Variants in FRMD4B observed in about 807,000 individuals in gnomAD.
FRMD4B encodes FERM domain-containing protein 4B.
Under a neutral mutation model 141.5 loss-of-function variants are expected in FRMD4B, and 74 were observed. The ratio of observed to expected loss-of-function variants is 0.52; its 90% CI spans 0.43 to 0.63. FRMD4B has a LOEUF of 0.63. Among genes scored for constraint, FRMD4B ranks in the 30% least tolerant of loss-of-function variants. The pLI is 0.00. For missense variants in FRMD4B, 1,366 were observed against 1,253.4 expected, an observed-to-expected ratio of 1.09 and a Z score of -1.36; for synonymous variants, 506 against 467.9, an observed-to-expected ratio of 1.08 and a Z score of -1.05.
intron 2 of FRMD4B, among the ~76,000 whole-genome samples, chr3:69,412,042 C>T (rs1375459035): frequency 6.6e-6 from 1 of 152,152 alleles, no homozygotes; most frequent in Non-Finnish European, 1.5e-5. Flanking sequence ...CACTATGTGC[C>T]AAGCACTACT....
chr3:69,396,154 G>C (rs189280743), intron 2 of FRMD4B, among the ~76,000 whole-genome samples: 1 of 152,214 alleles, frequency 6.6e-6, no homozygotes, highest in Non-Finnish European at 1.5e-5. Flanking sequence ...ATTGATCTAA[G>C]GGAAGGCACA....
At chr3:69,282,085 G>A (rs2093647437) in intron 5 of FRMD4B, among the ~76,000 whole-genome samples, 1 of 152,128 alleles carries the variant, frequency 6.6e-6, no homozygotes, top group Non-Finnish European at 1.5e-5. Flanking sequence ...CCGTATTTAT[G>A]TAGCTGTGCA....
intron 1 of FRMD4B, among the ~76,000 whole-genome samples, chr3:69,485,247 T>C (rs2107001752): frequency 6.6e-6 from 1 of 151,972 alleles, no homozygotes; most frequent in East Asian, 1.9e-4. Flanking sequence ...GAGATTGGAG[T>C]GGGAGCCAGG....
At chr3:69,387,356 A>G (rs1367546355), upstream of FRMD4B, among the ~76,000 whole-genome samples, 2 of 152,114 alleles carry the variant, frequency 1.3e-5, no homozygotes, top group East Asian at 1.9e-4. Context: ...GGCTCAAGCA[A>G]TCTTCCAGCC....
chr3:69,455,846 CAG>C (rs1277260425), intron 1 of FRMD4B, among the ~76,000 whole-genome samples: 2 of 152,166 alleles, frequency 1.3e-5, no homozygotes, highest in African/African-American at 4.8e-5. Context: ...TCAAAGAAAA[CAG>C]ACCACAGGGC....
intron 1 of FRMD4B, among the ~76,000 whole-genome samples, chr3:69,375,264 CCCATCCATCCAT>C (rs1217452208): frequency 1.3e-3 from 14 of 10,458 alleles, no homozygotes; most frequent in South Asian, 5.2e-3. Flanking sequence ...TCCACCCCAT[CCCATCCATCCAT>C]CCATCCATCC....
At chr3:69,399,987 A>G (rs991156300) in intron 2 of FRMD4B, among the ~76,000 whole-genome samples, 3 of 152,198 alleles carry the variant, frequency 2.0e-5, no homozygotes, top group Non-Finnish European at 4.4e-5. Flanking sequence ...CCCCAACCCA[A>G]TACGATACCT....
chr3:69,275,839 G>A (rs188744560), intron 5 of FRMD4B, among the ~76,000 whole-genome samples: 108 of 151,986 alleles, frequency 7.1e-4, no homozygotes, highest in African/African-American at 2.6e-3. Flanking sequence ...TTAAAAAATT[G>A]GAAAAGTATA....
At chr3:69,442,618 A>G (rs147892724) in intron 1 of FRMD4B, among the ~76,000 whole-genome samples, 27 of 152,230 alleles carry the variant, frequency 1.8e-4, no homozygotes, top group African/African-American at 6.5e-4. Context: ...ATTTAATGCC[A>G]TCCTTATTTA....
At chr3:69,411,843 T>C (rs1704766417) in intron 2 of FRMD4B, among the ~76,000 whole-genome samples, 3 of 152,324 alleles carry the variant, frequency 2.0e-5, no homozygotes, top group Non-Finnish European at 2.9e-5. Context: ...TTTGAACAAT[T>C]ATCTATATCA....
chr3:69,313,427 C>T (rs1559798320), intron 2 of FRMD4B, 25 bp downstream of exon 2: 7 of 1,528,806 alleles, frequency 4.6e-6, no homozygotes, highest in Non-Finnish European at 5.3e-6. Flanking sequence ...CTTATCTGGG[C>T]AACACACATG....
At chr3:69,410,399 TGTGA>T (rs954049382) in intron 2 of FRMD4B, among the ~76,000 whole-genome samples, 4 of 152,084 alleles carry the variant, frequency 2.6e-5, no homozygotes, top group East Asian at 1.9e-4. Context: ...GGAATGCGTG[TGTGA>T]GTATGAGTAT....
intron 4 of FRMD4B, among the ~76,000 whole-genome samples, chr3:69,296,721 C>G (rs572429598): frequency 1.3e-5 from 2 of 152,178 alleles, no homozygotes; most frequent in Non-Finnish European, 2.9e-5. Flanking sequence ...TTCCAGTCCT[C>G]TCATTATTGT....
intron 14 of FRMD4B, 103 bp from the exon 15 acceptor site, chr3:69,195,467 T>C: frequency 1.2e-6 from 1 of 861,908 alleles, no homozygotes; most frequent in Non-Finnish European, 1.7e-6. Flanking sequence ...AAATGGTAGT[T>C]TATTTCTTTT....
chr3:69,357,564 T>C (rs1005793556), intron 1 of FRMD4B, among the ~76,000 whole-genome samples: 1 of 152,212 alleles, frequency 6.6e-6, no homozygotes, highest in African/African-American at 2.4e-5. Flanking sequence ...GAGGGTGGAA[T>C]AAAGGAAATA....
At chr3:69,288,546 G>T (rs1436885578) in intron 4 of FRMD4B, among the ~76,000 whole-genome samples, 1 of 152,202 alleles carries the variant, frequency 6.6e-6, no homozygotes. Context: ...TCTCAGGAGC[G>T]CTCTGACAGC....
At chr3:69,510,497 G>A (rs962542751) in intron 1 of FRMD4B, among the ~76,000 whole-genome samples, 3 of 152,178 alleles carry the variant, frequency 2.0e-5, no homozygotes, top group Non-Finnish European at 4.4e-5. Flanking sequence ...AAGTTCGGGT[G>A]TTTCTGAAAT....
Position 69,519,593 on chromosome 3 carries a change from T to A in FRMD4B, c.-129+22613A>T, listed in dbSNP as rs551735457. 2.6e-5 allele frequency among the ~76,000 whole-genome samples: 4 copies of A among 152,316 alleles called. 1 individual carries two copies. In the South Asian group the frequency reaches 8.3e-4, roughly 32 times the overall value. The stretch of plus-strand genomic sequence containing the variant: ...CTACCTAGACCCTTTCCCTCTCTGG[T>A]TAGCTTCCCTAATGTTTCTAGAATC... On this transcript the variant is annotated intron_variant, in intron 1 of 5. Transcript: ENST00000459638.
chr3:69,206,808 T>G (rs1240275714), intron 11 of FRMD4B, among the ~76,000 whole-genome samples: 3 of 151,844 alleles, frequency 2.0e-5, no homozygotes, highest in African/African-American at 7.3e-5. Flanking sequence ...ACAAAGAATA[T>G]AAAGCACTCA....
Sources: gnomAD v4.1 joint callset for allele counts (sites outside exome capture counted in the v4.1 genomes callset) on GRCh38, gnomAD v4.1.1 for gene constraint, MANE v1.5 for transcripts, NCBI Gene and HGNC (gene_info 2026-07-23, HGNC 2026-07-21) for gene names.